Variants in RABGAP1L observed in about 807,000 individuals in gnomAD.
The protein encoded by RABGAP1L is rab GTPase-activating protein 1-like.
In RABGAP1L, 63 loss-of-function variants were observed where a neutral mutation model predicts 137.7. The ratio of observed to expected loss-of-function variants is 0.46; its 90% confidence interval spans 0.37 to 0.56. The LOEUF is 0.56. Ranked by LOEUF, RABGAP1L falls within the 20% of genes least tolerant of loss-of-function variation. RABGAP1L has a pLI of 0.00. For synonymous variants in RABGAP1L, 431 were observed against 433.7 expected (o/e 0.99, Z 0.08); for missense variants, 1,095 against 1,244.0 (o/e 0.88, Z 1.80).
At chr1:174,581,472 G>A (rs562544458) in intron 13 of RABGAP1L, among the ~76,000 whole-genome samples, 4 of 152,218 alleles carry the variant, frequency 2.6e-5, no homozygotes, top group Non-Finnish European at 5.9e-5. Flanking sequence ...TATATGAGAT[G>A]TTGAGAATAG....
intron 13 of RABGAP1L, among the ~76,000 whole-genome samples, chr1:174,546,847 G>A (rs1318968272): frequency 1.3e-5 from 2 of 151,650 alleles, no homozygotes; most frequent in African/African-American, 2.4e-5. Flanking sequence ...TGGCTAACAC[G>A]GTGAAACCCC....
intron 19 of RABGAP1L, among the ~76,000 whole-genome samples, chr1:174,902,561 C>T (rs145241464): frequency 6.6e-6 from 1 of 152,328 alleles, no homozygotes; most frequent in Non-Finnish European, 1.5e-5. Flanking sequence ...TCTGCATGTA[C>T]CTAAGTGGCT....
At chr1:174,431,050 C>A (rs947587532) in intron 13 of RABGAP1L, among the ~76,000 whole-genome samples, 5 of 152,054 alleles carry the variant, frequency 3.3e-5, no homozygotes, top group Non-Finnish European at 7.4e-5. Context: ...TAGCAATTTT[C>A]TTTTATAAGA....
chr1:174,969,000 T>C (rs1332434560), intron 20 of RABGAP1L, among the ~76,000 whole-genome samples: 2 of 152,188 alleles, frequency 1.3e-5, no homozygotes, highest in African/African-American at 4.8e-5. Context: ...GGGGGGGATA[T>C]GCTCAGAAAG....
At chr1:174,880,926 T>C (rs1343415255) in intron 19 of RABGAP1L, among the ~76,000 whole-genome samples, 2 of 152,088 alleles carry the variant, frequency 1.3e-5, no homozygotes, top group Non-Finnish European at 2.9e-5. Context: ...CTTCAAAAAC[T>C]AACAGGAGTT....
rs535261169 is a variant in RABGAP1L at position 174,699,504 on chromosome 1, T to G, written c.1900-21T>G. 7 of 1,605,290 alleles carry G rather than the reference T, an allele frequency of 4.4e-6. No individual in the cohort carries two copies. The South Asian group carries it at 5.6e-5, about 13-fold the overall frequency. ...CAAAATGCCACTTATTTATATTGTA[T>G]ATGTATATATTTTTCTGTAGATGCC... On this transcript the variant is annotated intron_variant, in intron 15 of 25. Coordinates refer to ENST00000681986, the MANE Select transcript of RABGAP1L (RefSeq NM_001366446.1).
chr1:174,961,543 G>C (rs1669085669), intron 20 of RABGAP1L, among the ~76,000 whole-genome samples: 1 of 152,040 alleles, frequency 6.6e-6, no homozygotes, highest in African/African-American at 2.4e-5. Context: ...GTGAGTTAAG[G>C]CTTAAAAACA....
At chr1:174,399,844 G>T (rs933171628) in intron 13 of RABGAP1L, among the ~76,000 whole-genome samples, 5 of 152,040 alleles carry the variant, frequency 3.3e-5, no homozygotes, top group Non-Finnish European at 2.9e-5. Context: ...GGGGTAAACC[G>T]CCCCCATGAT....
chr1:174,812,723 A>G (rs1200545716), intron 19 of RABGAP1L, among the ~76,000 whole-genome samples: 1 of 152,210 alleles, frequency 6.6e-6, no homozygotes, highest in Non-Finnish European at 1.5e-5. Context: ...AGAAAGTGAT[A>G]AATAGCTGTG....
chr1:174,318,580 T>TTTTCTTTCTTTCTTTCTTTCTTTCTTTC (rs58050295), intron 11 of RABGAP1L, among the ~76,000 whole-genome samples: 6 of 117,550 alleles, frequency 5.1e-5, no homozygotes, highest in South Asian at 3.2e-4. Flanking sequence ...TTGGTGATTG[T>TTTTCTTTCTTTCTTTCTTTCTTTCTTTC]TTTCTTTCTT....
intron 13 of RABGAP1L, among the ~76,000 whole-genome samples, chr1:174,517,134 G>C (rs1477439518): frequency 1.3e-5 from 2 of 151,792 alleles, no homozygotes; most frequent in African/African-American, 2.4e-5. Context: ...ATACAGACGT[G>C]AATAATATTT....
At chr1:174,320,186 T>C (rs1286116056) in intron 11 of RABGAP1L, among the ~76,000 whole-genome samples, 1 of 152,178 alleles carries the variant, frequency 6.6e-6, no homozygotes, top group Non-Finnish European at 1.5e-5. Flanking sequence ...CCACCAGAAT[T>C]ATGATATGAA....
chr1:174,350,423 C>T (rs1383438258), intron 11 of RABGAP1L, among the ~76,000 whole-genome samples: 68 of 91,604 alleles, frequency 7.4e-4, no homozygotes, highest in African/African-American at 2.3e-3. Flanking sequence ...GGGTCTCGGC[C>T]GGGCAGAGGC....
intron 20 of RABGAP1L, among the ~76,000 whole-genome samples, chr1:174,967,104 GT>G (rs34572377): frequency 1.7e-4 from 25 of 151,184 alleles, no homozygotes; most frequent in Admixed American, 7.9e-4. Flanking sequence ...ATTTATTGGG[GT>G]TTTTTTCCCC....
chr1:174,325,112 A>T (rs1646492281), intron 11 of RABGAP1L, among the ~76,000 whole-genome samples: 1 of 152,230 alleles, frequency 6.6e-6, no homozygotes, highest in African/African-American at 2.4e-5. Context: ...GAAAGGAAGA[A>T]CTAAAAATAG....
At chr1:174,902,921 TG>T (rs1658383947) in intron 19 of RABGAP1L, among the ~76,000 whole-genome samples, 2 of 152,342 alleles carry the variant, frequency 1.3e-5, no homozygotes, top group East Asian at 3.9e-4. Context: ...GGACCACAGC[TG>T]TTTCTAATCG....
chr1:174,819,641 CAGCA>C (rs1690817729), intron 19 of RABGAP1L, among the ~76,000 whole-genome samples: 1 of 152,108 alleles, frequency 6.6e-6, no homozygotes, highest in South Asian at 2.1e-4. Flanking sequence ...GACTGAAAAG[CAGCA>C]TATGCAAAGC....
chr1:174,339,943 T>C (rs1267663500), intron 11 of RABGAP1L, among the ~76,000 whole-genome samples: 2 of 152,230 alleles, frequency 1.3e-5, no homozygotes, highest in Non-Finnish European at 1.5e-5. Context: ...GTTTCAACTT[T>C]ATAGTAAATA....
intron 14 of RABGAP1L, among the ~76,000 whole-genome samples, chr1:174,665,645 G>T (rs1173497961): frequency 6.6e-6 from 1 of 152,094 alleles, no homozygotes; most frequent in Admixed American, 6.5e-5. Context: ...AGTAGAGACG[G>T]AGTTTTACCA....
Sources: gnomAD v4.1 joint callset for allele counts (sites outside exome capture counted in the v4.1 genomes callset) on GRCh38, gnomAD v4.1.1 for gene constraint, MANE v1.5 for transcripts, NCBI Gene and HGNC (gene_info 2026-07-23, HGNC 2026-07-21) for gene names.